SHISA9: variants seen among roughly 807,000 people sequenced by gnomAD.
The protein encoded by SHISA9 is shisa family member 9.
A neutral mutation model predicts 38.0 loss-of-function variants in SHISA9; 13 were observed. The observed-to-expected ratio is 0.34, with a 90% CI of 0.22 to 0.54. The LOEUF (loss-of-function observed/expected upper bound fraction) is 0.54. Ranked by LOEUF, SHISA9 falls within the 20% of genes least tolerant of loss-of-function variation. The pLI, the probability that SHISA9 is intolerant of heterozygous loss-of-function variation, is 0.91. For missense variants in SHISA9, 538 were observed against 575.8 expected, an observed-to-expected ratio of 0.93 and a Z score of 0.67; for synonymous variants, 275 against 242.0, an observed-to-expected ratio of 1.14 and a Z score of -1.27.
At chr16:13,256,883 T>G in the SHISA9 span, among the ~76,000 whole-genome samples, 1 of 152,198 alleles carries the variant, frequency 6.6e-6, no homozygotes, top group Non-Finnish European at 1.5e-5. Flanking sequence ...TTAGACCCCT[T>G]TAAGCAGCTG....
intron 2 of SHISA9, among the ~76,000 whole-genome samples, chr16:13,125,907 T>C (rs1245824111): frequency 6.6e-6 from 1 of 152,208 alleles, no homozygotes; most frequent in African/African-American, 2.4e-5. Context: ...CCTTAGCTGG[T>C]TGGTATCTAA....
intron 2 of SHISA9, among the ~76,000 whole-genome samples, chr16:13,008,151 G>C (rs1037069616): frequency 1.3e-5 from 2 of 152,190 alleles, no homozygotes; most frequent in African/African-American, 4.8e-5. Context: ...TGTCAAATAA[G>C]AATAGACATT....
chr16:13,544,212 C>T, the SHISA9 span, among the ~76,000 whole-genome samples: 4 of 149,604 alleles, frequency 2.7e-5, no homozygotes, highest in East Asian at 1.9e-4. Flanking sequence ...ATTAAATATA[C>T]ATAATACTAT....
chr16:13,484,353 C>G, the SHISA9 span, among the ~76,000 whole-genome samples: 1 of 152,128 alleles, frequency 6.6e-6, no homozygotes, highest in Non-Finnish European at 1.5e-5. Context: ...CTCCGAGCCT[C>G]GGTTCCCACA....
chr16:13,397,347 C>A, the SHISA9 span, among the ~76,000 whole-genome samples: 2 of 152,174 alleles, frequency 1.3e-5, no homozygotes, highest in African/African-American at 4.8e-5. Flanking sequence ...GGGGCTGTGA[C>A]CCACAGTGTC....
chr16:12,920,730 C>A (rs1023175900), intron 2 of SHISA9, among the ~76,000 whole-genome samples: 1 of 152,200 alleles, frequency 6.6e-6, no homozygotes, highest in Non-Finnish European at 1.5e-5. Flanking sequence ...TTTGACATCA[C>A]CAAGGTACCT....
chr16:13,451,027 C>T, the SHISA9 span, among the ~76,000 whole-genome samples: 113,836 of 152,056 alleles, frequency 0.75, 42,817 homozygotes, highest in Admixed American at 0.83. Context: ...AGACTTTCTC[C>T]GGCCACCAGA....
At chr16:13,452,736 T>A in the SHISA9 span, among the ~76,000 whole-genome samples, 2 of 151,858 alleles carry the variant, frequency 1.3e-5, no homozygotes, top group Non-Finnish European at 2.9e-5. Flanking sequence ...CAACCTCAGC[T>A]CTCATGTTGC....
intron 2 of SHISA9, among the ~76,000 whole-genome samples, chr16:13,148,306 C>G (rs1374605892): frequency 6.6e-6 from 1 of 152,136 alleles, no homozygotes; most frequent in Non-Finnish European, 1.5e-5. Flanking sequence ...TAGGCAAGAG[C>G]AGATGCAATG....
chr16:13,233,080 C>G (rs1172409701), intron 4 of SHISA9, among the ~76,000 whole-genome samples: 1 of 152,042 alleles, frequency 6.6e-6, no homozygotes, highest in Non-Finnish European at 1.5e-5. Flanking sequence ...TGACTTTCTT[C>G]TTTGTCATGT....
the SHISA9 span, among the ~76,000 whole-genome samples, chr16:13,465,896 T>C: frequency 6.6e-6 from 1 of 152,266 alleles, no homozygotes; most frequent in Admixed American, 6.5e-5. Flanking sequence ...TAGGTACATA[T>C]TACTTATGAC....
At chr16:12,998,596 C>G (rs568992702) in intron 2 of SHISA9, among the ~76,000 whole-genome samples, 1 of 152,220 alleles carries the variant, frequency 6.6e-6, no homozygotes, top group South Asian at 2.1e-4. Flanking sequence ...GTGGTGCGAT[C>G]GTGGCTCATG....
chr16:13,079,222 C>A (rs1447343795), intron 2 of SHISA9, among the ~76,000 whole-genome samples: 1 of 152,140 alleles, frequency 6.6e-6, no homozygotes, highest in Non-Finnish European at 1.5e-5. Context: ...TAGAGTCCAC[C>A]TGTGTATCTT....
intron 2 of SHISA9, among the ~76,000 whole-genome samples, chr16:13,122,451 C>G (rs1226858038): frequency 1.3e-5 from 2 of 152,164 alleles, no homozygotes; most frequent in Non-Finnish European, 2.9e-5. Context: ...GGAAGGCAGC[C>G]AGGCTGTGAT....
At chr16:13,540,866 A>T in the SHISA9 span, among the ~76,000 whole-genome samples, 2 of 152,174 alleles carry the variant, frequency 1.3e-5, no homozygotes, top group Non-Finnish European at 2.9e-5. Flanking sequence ...TGCTGTTACC[A>T]GCTTCTTGCC....
intron 2 of SHISA9, among the ~76,000 whole-genome samples, chr16:13,078,313 T>C (rs969613699): frequency 3.3e-5 from 5 of 152,264 alleles, no homozygotes; most frequent in Non-Finnish European, 5.9e-5. Flanking sequence ...AGGTTACTTA[T>C]AATGACTAAT....
At chr16:13,184,243 C>T (rs16961293) in intron 2 of SHISA9, among the ~76,000 whole-genome samples, 6,704 of 152,204 alleles carry the variant, frequency 0.044, 245 homozygotes, top group African/African-American at 0.098. Flanking sequence ...CACCTGTAAA[C>T]GTCCTCACCT....
rs187033021 is a variant in SHISA9 at position 13,008,421 on chromosome 16, A to G, written c.691+91606A>G. 3.9e-3 allele frequency among the ~76,000 whole-genome samples: 597 copies of G among 152,156 alleles called. 4 individuals carry two copies. The highest frequency in any genetic ancestry group is 0.014 in the African/African-American group (573 of 41,484). The stretch of plus-strand genomic sequence containing the variant: ...GAACCCAACTAAGATAGTGCCTTGT[A>G]TGGTTTGGCCCTGTGTCCCCAGGCA... On this transcript the variant is annotated intron_variant, in intron 2 of 4. Transcript: ENST00000558583.
the SHISA9 span, among the ~76,000 whole-genome samples, chr16:13,507,907 C>T: frequency 6.6e-6 from 1 of 152,202 alleles, no homozygotes; most frequent in Non-Finnish European, 1.5e-5. Flanking sequence ...GGTGCACACA[C>T]TATTTTAATG....
Sources: gnomAD v4.1 joint callset for allele counts (sites outside exome capture counted in the v4.1 genomes callset) on GRCh38, gnomAD v4.1.1 for gene constraint, MANE v1.5 for transcripts, NCBI Gene and HGNC (gene_info 2026-07-23, HGNC 2026-07-21) for gene names.